APPBP2: variants seen among roughly 807,000 people sequenced by gnomAD.
The protein encoded by APPBP2 is amyloid protein-binding protein 2.
A neutral mutation model predicts 76.0 loss-of-function variants in APPBP2; 15 were observed. That is an observed-to-expected ratio of 0.20 (90% CI 0.13 to 0.30). The LOEUF is 0.30. Ranked by LOEUF, APPBP2 falls within the 10% of genes least tolerant of loss-of-function variation. The probability of loss-of-function intolerance (pLI) is 1.00; values close to 1 mark genes in which losing one functional copy is unlikely to be tolerated. For synonymous variants in APPBP2, 222 were observed against 242.2 expected, an observed-to-expected ratio of 0.92 and a Z score of 0.77; for missense variants, 401 against 687.2, an observed-to-expected ratio of 0.58 and a Z score of 4.66.
chr17:60,496,912 G>C (rs571805824), intron 2 of APPBP2, among the ~76,000 whole-genome samples: 2 of 152,238 alleles, frequency 1.3e-5, no homozygotes, highest in South Asian at 4.1e-4. Flanking sequence ...GTAGAGACAA[G>C]ATTTCAGCAT....
intron 1 of APPBP2, among the ~76,000 whole-genome samples, chr17:60,504,208 T>G (rs552535249): frequency 2.0e-5 from 3 of 152,188 alleles, no homozygotes; most frequent in Non-Finnish European, 4.4e-5. Flanking sequence ...CACTTTCAGC[T>G]GTTCCTACCT....
intron 1 of APPBP2, chr17:60,513,452 C>T (rs908291623): frequency 1.9e-5 from 12 of 623,320 alleles, no homozygotes; most frequent in African/African-American, 9.3e-5. Context: ...TGGTTTTGTA[C>T]TATAATGCCA....
intron 1 of APPBP2, among the ~76,000 whole-genome samples, chr17:60,517,918 T>C (rs1485353788): frequency 3.3e-5 from 5 of 152,232 alleles, no homozygotes. Context: ...TTTCCTCTTC[T>C]GTAAACTGGT....
chr17:60,479,861 T>A (rs929488252), intron 3 of APPBP2, among the ~76,000 whole-genome samples: 1 of 152,190 alleles, frequency 6.6e-6, no homozygotes, highest in African/African-American at 2.4e-5. Flanking sequence ...ACTACATAAC[T>A]ACACGAACTC....
chr17:60,482,783 T>A (rs945647356), intron 3 of APPBP2, among the ~76,000 whole-genome samples: 8 of 152,230 alleles, frequency 5.3e-5, no homozygotes, highest in Admixed American at 4.6e-4. Flanking sequence ...TCTGGCTGCA[T>A]AGTATTCCAT....
chr17:60,473,319 T>G (rs1313924220), intron 4 of APPBP2, among the ~76,000 whole-genome samples: 6 of 152,188 alleles, frequency 3.9e-5, no homozygotes, highest in African/African-American at 1.4e-4. Context: ...TGATGCCCTT[T>G]CCTACTCTAC....
At chr17:60,506,897 G>A (rs1402915933) in intron 1 of APPBP2, among the ~76,000 whole-genome samples, 5 of 152,164 alleles carry the variant, frequency 3.3e-5, no homozygotes, top group Admixed American at 2.0e-4. Context: ...TTAGCTGGGC[G>A]TGGTGGCGGG....
intron 1 of APPBP2, among the ~76,000 whole-genome samples, chr17:60,511,113 A>C (rs1306794659): frequency 6.6e-6 from 1 of 152,168 alleles, no homozygotes; most frequent in Non-Finnish European, 1.5e-5. Context: ...TCAAAACAAA[A>C]ATCTAGTTAG....
At chr17:60,456,078 T>C (rs2090429126) in intron 10 of APPBP2, among the ~76,000 whole-genome samples, 1 of 152,126 alleles carries the variant, frequency 6.6e-6, no homozygotes. Flanking sequence ...CCATCCGGCC[T>C]ATTAACAATG....
At chr17:60,484,700 T>C (rs7210051) in intron 3 of APPBP2, among the ~76,000 whole-genome samples, 12,502 of 152,134 alleles carry the variant, frequency 0.082, 1,699 homozygotes, top group African/African-American at 0.28. Flanking sequence ...TCTCTTCCTA[T>C]CTGAATACCC....
At chr17:60,500,112 C>T (rs1428905548) in intron 2 of APPBP2, among the ~76,000 whole-genome samples, 4 of 151,500 alleles carry the variant, frequency 2.6e-5, no homozygotes, top group Non-Finnish European at 2.9e-5. Flanking sequence ...CCCAGGTTCA[C>T]GCCATTTTCC....
At chr17:60,497,661 A>ATTTT (rs1177169267) in intron 2 of APPBP2, among the ~76,000 whole-genome samples, 1 of 152,138 alleles carries the variant, frequency 6.6e-6, no homozygotes, top group Middle Eastern at 3.2e-3. Flanking sequence ...ACTTAAAATA[A>ATTTT]AACAGTACCT....
chr17:60,448,262 G>T (rs559864608), intron 12 of APPBP2, among the ~76,000 whole-genome samples: 2,370 of 152,184 alleles, frequency 0.016, 62 homozygotes, highest in African/African-American at 0.053. Context: ...GGCCAACATG[G>T]TGAAAGCCTG....
intron 3 of APPBP2, among the ~76,000 whole-genome samples, chr17:60,489,754 G>A (rs957313791): frequency 6.6e-6 from 1 of 152,094 alleles, no homozygotes; most frequent in Admixed American, 6.6e-5. Flanking sequence ...ACAAAAGTAG[G>A]GCTGGGTGCA....
At chr17:60,491,143 T>C (rs1466426753) in intron 3 of APPBP2, among the ~76,000 whole-genome samples, 2 of 152,166 alleles carry the variant, frequency 1.3e-5, no homozygotes, top group Non-Finnish European at 2.9e-5. Context: ...ACTTGTTGAA[T>C]AGCTTTGATC....
intron 4 of APPBP2, among the ~76,000 whole-genome samples, chr17:60,469,985 TC>T (rs1598353163): frequency 6.6e-6 from 1 of 152,100 alleles, no homozygotes; most frequent in Non-Finnish European, 1.5e-5. Flanking sequence ...CATTTTACAT[TC>T]CCAGCAACAG....
chr17:60,474,640 T>A (rs531811952), intron 4 of APPBP2, among the ~76,000 whole-genome samples: 2 of 152,342 alleles, frequency 1.3e-5, no homozygotes, highest in Admixed American at 1.3e-4. Context: ...CAATCATGTT[T>A]CAGATTTCAA....
intron 12 of APPBP2, among the ~76,000 whole-genome samples, chr17:60,448,250 C>T (rs1000020925): frequency 6.6e-6 from 1 of 152,070 alleles, no homozygotes; most frequent in Non-Finnish European, 1.5e-5. Flanking sequence ...TGGGACTAGC[C>T]TGGCCAACAT....
chr17:60,518,719 G>A (rs1247165373), intron 1 of APPBP2, among the ~76,000 whole-genome samples: 2 of 152,032 alleles, frequency 1.3e-5, no homozygotes, highest in Non-Finnish European at 2.9e-5. Flanking sequence ...GCCCAGGCAG[G>A]TCTAGAACTC....
Sources: gnomAD v4.1 joint callset for allele counts (sites outside exome capture counted in the v4.1 genomes callset) on GRCh38, gnomAD v4.1.1 for gene constraint, MANE v1.5 for transcripts, NCBI Gene and HGNC (gene_info 2026-07-23, HGNC 2026-07-21) for gene names.